SNX29: variants seen among roughly 807,000 people sequenced by gnomAD.
The protein encoded by SNX29 is sorting nexin 29, also known as sorting nexin-29.
A neutral mutation model predicts 102.1 loss-of-function variants in SNX29; 78 were observed. That is an observed-to-expected ratio of 0.76 (90% CI 0.64 to 0.92). The LOEUF (loss-of-function observed/expected upper bound fraction) is 0.92. Ranked by LOEUF, SNX29 falls within the 40% of genes least tolerant of loss-of-function variation. The probability of loss-of-function intolerance (pLI) is 0.00; values close to 1 mark genes in which losing one functional copy is unlikely to be tolerated. For missense variants in SNX29, 1,280 were observed against 1,061.7 expected, an observed-to-expected ratio of 1.21 and a Z score of -2.86; for synonymous variants, 580 against 414.5, an observed-to-expected ratio of 1.40 and a Z score of -4.85.
At chr16:12,459,296 A>G (rs1012056804) in intron 18 of SNX29, among the ~76,000 whole-genome samples, 4 of 151,772 alleles carry the variant, frequency 2.6e-5, no homozygotes, top group African/African-American at 7.3e-5. Flanking sequence ...AAATGTGGCT[A>G]TGAAACCCCT....
At chr16:12,179,154 T>C (rs2076326355) in intron 13 of SNX29, among the ~76,000 whole-genome samples, 1 of 150,700 alleles carries the variant, frequency 6.6e-6, no homozygotes, top group Non-Finnish European at 1.5e-5. Context: ...AGAATAACAC[T>C]ACTACAACAA....
At chr16:12,047,520 G>A (rs1281974076) in intron 6 of SNX29, among the ~76,000 whole-genome samples, 2 of 152,092 alleles carry the variant, frequency 1.3e-5, no homozygotes, top group African/African-American at 2.4e-5. Flanking sequence ...ACATTTGATG[G>A]TTTATGGAGC....
At position 12,568,744 on chromosome 16, in the gene SNX29, G is replaced by T; in HGVS notation, c.*115G>T. 7.0e-7 allele frequency: 1 copy of T among 1,436,420 alleles called. No homozygotes were observed. 89.0% of individuals were successfully genotyped at this position (1,436,420 alleles called of 1,614,324 possible). A position where few individuals can be genotyped will look rare whatever the true frequency, so the allele number is the denominator to read the frequency against. ...AACCACGTCCACCTGGTGATCCTGA[G>T]AGCACACGATTCCCAACAGTTACAC... On this transcript the variant is annotated 3_prime_UTR_variant, in exon 21 of 21. Coordinates refer to ENST00000566228, the MANE Select transcript of SNX29 (RefSeq NM_032167.5).
At chr16:12,006,472 C>T (rs1023420871) in intron 3 of SNX29, among the ~76,000 whole-genome samples, 2 of 147,908 alleles carry the variant, frequency 1.4e-5, no homozygotes, top group South Asian at 2.1e-4. Context: ...GCCGAGATTG[C>T]GCCATTGCGT....
chr16:12,523,805 G>T, intron 19 of SNX29, among the ~76,000 whole-genome samples: 1 of 152,204 alleles, frequency 6.6e-6, no homozygotes, highest in East Asian at 1.9e-4. Flanking sequence ...CTGGGGACCT[G>T]TGCCTGCCTT....
At chr16:12,122,753 C>G (rs2054031066) in intron 11 of SNX29, among the ~76,000 whole-genome samples, 1 of 152,122 alleles carries the variant, frequency 6.6e-6, no homozygotes, top group Non-Finnish European at 1.5e-5. Flanking sequence ...ATAGATATAG[C>G]CTTATATTCA....
intron 14 of SNX29, among the ~76,000 whole-genome samples, chr16:12,269,909 G>T (rs999718890): frequency 6.6e-6 from 1 of 152,002 alleles, no homozygotes; most frequent in Non-Finnish European, 1.5e-5. Context: ...TGCCCAGGCT[G>T]GAGTGCAGTG....
chr16:12,541,882 A>C (rs867463183), intron 20 of SNX29, among the ~76,000 whole-genome samples: 1 of 152,142 alleles, frequency 6.6e-6, no homozygotes, highest in African/African-American at 2.4e-5. Context: ...TGCTTGATGA[A>C]TGTTTATGAT....
At chr16:12,408,241 C>T (rs1307708118) in intron 18 of SNX29, among the ~76,000 whole-genome samples, 1 of 152,122 alleles carries the variant, frequency 6.6e-6, no homozygotes, top group Non-Finnish European at 1.5e-5. Flanking sequence ...CCCAGCTCAA[C>T]GAAGATCTCA....
intron 15 of SNX29, among the ~76,000 whole-genome samples, chr16:12,310,099 CATGCACACAT>C (rs1477238916): frequency 7.2e-6 from 1 of 138,372 alleles, no homozygotes; most frequent in African/African-American, 2.8e-5. Flanking sequence ...CATGCACACA[CATGCACACAT>C]ACACGTGCAC....
At chr16:12,524,138 T>C (rs2090205365) in intron 19 of SNX29, among the ~76,000 whole-genome samples, 1 of 152,196 alleles carries the variant, frequency 6.6e-6, no homozygotes, top group Non-Finnish European at 1.5e-5. Context: ...CGCCCGCGTC[T>C]GCATCGTGGC....
chr16:12,297,762 C>T lies in SNX29; in HGVS notation c.1782+19726C>T, dbSNP rs139319007. Among the ~76,000 whole-genome samples, 294 of 152,240 alleles carry T rather than the reference C, an allele frequency of 1.9e-3. 1 individual carries two copies. Among genetic ancestry groups the T allele is most frequent in the African/African-American group, 6.6e-3 (276 of 41,528 alleles). On this transcript the variant is annotated intron_variant, in intron 15 of 20. Transcript: ENST00000566228. ...GTAAAGCTGGGGGAAATGTGAGCTG[C>T]GGAATATCGTTGATTGGCTTCCACG...
chr16:12,223,880 C>G (rs2077540012), intron 14 of SNX29, among the ~76,000 whole-genome samples: 1 of 152,176 alleles, frequency 6.6e-6, no homozygotes, highest in Non-Finnish European at 1.5e-5. Flanking sequence ...GGAATCCACG[C>G]CACAGTACTT....
intron 16 of SNX29, among the ~76,000 whole-genome samples, chr16:12,364,741 C>T (rs1455421010): frequency 6.6e-6 from 1 of 152,184 alleles, no homozygotes; most frequent in Non-Finnish European, 1.5e-5. Flanking sequence ...TTTGGTCCCA[C>T]TGGCAAGGCT....
intron 13 of SNX29, 113 bp from the exon 14 acceptor site, chr16:12,199,488 G>T: frequency 1.3e-6 from 1 of 761,446 alleles, no homozygotes; most frequent in Non-Finnish European, 2.2e-6. Flanking sequence ...ACATTTATAA[G>T]ATGCAAATTG....
Position 11,976,763 on chromosome 16 carries a change from A to T in SNX29, c.-44A>T, listed in dbSNP as rs1299496233. The T allele has an allele frequency of 1.6e-6, 2 of 1,287,044 alleles. No homozygotes were observed. Among genetic ancestry groups the T allele is most frequent in the African/African-American group, 3.1e-5 (2 of 64,364 alleles). The allele number at this position is 1,287,044 out of a possible 1,614,324, so 79.7% of individuals were successfully genotyped here. On this transcript the variant is annotated 5_prime_UTR_variant, in exon 1 of 21. Coordinates refer to ENST00000566228, the MANE Select transcript of SNX29 (RefSeq NM_032167.5). ...GGAGCTCGGCAGCCGCAGAAGCGGC[A>T]GCGGCGGCGGCGCGGCGCAGGCACC...
chr16:12,569,029 A>C lies in SNX29; in HGVS notation c.*400A>C, dbSNP rs543320730. On this transcript the variant is annotated 3_prime_UTR_variant, in exon 21 of 21. Transcript: ENST00000566228. Reference sequence around the variant, plus strand: ...AGGTTCATGCAGAGCCAGCCTCTCCACTCTTTCCCACGTGGGGACTAGAAT... The same window carrying C: ...AGGTTCATGCAGAGCCAGCCTCTCCCCTCTTTCCCACGTGGGGACTAGAAT... 4.6e-5 allele frequency: 11 copies of C among 236,664 alleles called. No individual in the cohort carries two copies. The highest frequency in any genetic ancestry group is 2.3e-4 in the African/African-American group (10 of 44,284). The allele number at this position is 236,664 out of a possible 1,614,324, so 14.7% of individuals were successfully genotyped here.
chr16:12,504,617 C>CACAGT (rs931363289), intron 19 of SNX29, among the ~76,000 whole-genome samples: 2 of 152,184 alleles, frequency 1.3e-5, no homozygotes, highest in Admixed American at 1.3e-4. Flanking sequence ...TTCAGTTACC[C>CACAGT]ACAGTACAGT....
rs563181251 is a variant in SNX29 at position 12,465,162 on chromosome 16, A to G, written c.2038-12557A>G. On this transcript the variant is annotated intron_variant, in intron 18 of 20. Coordinates refer to ENST00000566228, the MANE Select transcript of SNX29 (RefSeq NM_032167.5). Reference sequence around the variant, plus strand: ...GATATGGGGGTTGCAAATATCTTCTACTTTGTAGGTTCTTTTCATTTTGTT... The same window carrying G: ...GATATGGGGGTTGCAAATATCTTCTGCTTTGTAGGTTCTTTTCATTTTGTT... Among the ~76,000 whole-genome samples the G allele has an allele frequency of 4.6e-5, 7 of 152,252 alleles. No homozygotes were observed. The South Asian group carries it at 1.2e-3, about 27-fold the overall frequency.
Sources: gnomAD v4.1 joint callset for allele counts (sites outside exome capture counted in the v4.1 genomes callset) on GRCh38, gnomAD v4.1.1 for gene constraint, MANE v1.5 for transcripts, NCBI Gene and HGNC (gene_info 2026-07-23, HGNC 2026-07-21) for gene names.